FYN: variants seen among roughly 807,000 people sequenced by gnomAD.
FYN encodes FYN proto-oncogene, Src family tyrosine kinase.
A neutral mutation model predicts 70.2 loss-of-function variants in FYN; 10 were observed. The observed-to-expected ratio is 0.14, with a 90% CI of 0.09 to 0.24. The LOEUF is 0.24. FYN is among the 10% of genes least tolerant of loss of function. The pLI, the probability that FYN is intolerant of heterozygous loss-of-function variation, is 1.00. For synonymous variants in FYN, 236 were observed against 248.6 expected (o/e 0.95, Z 0.48); for missense variants, 319 against 673.1 (o/e 0.47, Z 5.82).
chr6:111,673,447 T>G (rs1274534330), intron 13 of FYN, among the ~76,000 whole-genome samples: 1 of 152,168 alleles, frequency 6.6e-6, no homozygotes, highest in African/African-American at 2.4e-5. Context: ...ATTATCTTGA[T>G]GTGCCCCTCT....
chr6:111,699,982 C>T (rs541460749), intron 9 of FYN, 122 bp downstream of exon 9: 2 of 690,506 alleles, frequency 2.9e-6, no homozygotes, highest in Non-Finnish European at 4.5e-6. Context: ...TTATTATTCC[C>T]CACTATTAGT....
Position 111,825,550 on chromosome 6 carries a change from A to T in FYN, c.-82+21039T>A, listed in dbSNP as rs147926174. Among the ~76,000 whole-genome samples, 11 of 152,350 alleles carry T rather than the reference A, an allele frequency of 7.2e-5. No homozygotes were observed. In the East Asian group the frequency reaches 2.1e-3, roughly 29 times the overall value. On this transcript the variant is annotated intron_variant, in intron 2 of 13. Transcript: ENST00000354650. ...TGAGCATTAAATTATATAAGGTAAG[A>T]TAGAAGAATGCCTAGTGCAGTGCAG...
intron 7 of FYN, 100 bp from the exon 8 acceptor site, chr6:111,703,134 G>GCA: frequency 9.3e-7 from 1 of 1,080,672 alleles, no homozygotes; most frequent in Non-Finnish European, 1.4e-6. Flanking sequence ...TACCAAGGAT[G>GCA]CACACACACA....
chr6:111,766,272 C>T (rs889203088), intron 3 of FYN, among the ~76,000 whole-genome samples: 4 of 152,112 alleles, frequency 2.6e-5, no homozygotes, highest in African/African-American at 9.7e-5. Context: ...AAGCACATGC[C>T]CAGTAGCAAA....
At chr6:111,778,343 G>C (rs1250673365) in intron 3 of FYN, among the ~76,000 whole-genome samples, 1 of 152,182 alleles carries the variant, frequency 6.6e-6, no homozygotes, top group Non-Finnish European at 1.5e-5. Context: ...AGGTGACTAA[G>C]AGCAATAGGT....
chr6:111,661,668 A>T lies in FYN; in HGVS notation c.*71T>A. ...TTCCGCTGCTGGGGAGCAGCTGGCT[A>T]CGGAATTGAAAGCTAATGGGGAGGG... is the stretch of plus-strand genomic sequence containing the variant. On this transcript the variant is annotated 3_prime_UTR_variant, in exon 14 of 14. Transcript: ENST00000354650. The surrounding 1 kb of genome is among the most constrained non-coding windows in gnomAD (Gnocchi z 4.0). 1 of 1,413,932 alleles carries T rather than the reference A, an allele frequency of 7.1e-7. No individual in the cohort carries two copies. Among genetic ancestry groups the T allele is most frequent in the Non-Finnish European group, 9.8e-7 (1 of 1,023,914 alleles). 87.6% of individuals were successfully genotyped at this position (1,413,932 alleles called of 1,614,324 possible). A position where few individuals can be genotyped will look rare whatever the true frequency, so the allele number is the denominator to read the frequency against.
intron 12 of FYN, among the ~76,000 whole-genome samples, chr6:111,674,923 CTA>C (rs1798466532): frequency 6.6e-6 from 1 of 152,232 alleles, no homozygotes; most frequent in South Asian, 2.1e-4. Flanking sequence ...TGAAATAATG[CTA>C]TGTTTTAATA....
chr6:111,826,336 G>T (rs779967633), intron 2 of FYN, among the ~76,000 whole-genome samples: 1 of 152,078 alleles, frequency 6.6e-6, no homozygotes, highest in African/African-American at 2.4e-5. Context: ...TAAGAAGTAC[G>T]CGTGTGTGCA....
intron 2 of FYN, among the ~76,000 whole-genome samples, chr6:111,808,109 AAAAAAACAAAAAAC>A: frequency 6.6e-6 from 1 of 152,142 alleles, no homozygotes; most frequent in East Asian, 1.9e-4. Context: ...CTCAGCCTCA[AAAAAAACAAAAAAC>A]AAAAAACAAA....
chr6:111,667,671 T>C (rs1361044406), intron 13 of FYN, among the ~76,000 whole-genome samples: 1 of 152,248 alleles, frequency 6.6e-6, no homozygotes, highest in African/African-American at 2.4e-5. Context: ...TGACTTCCCT[T>C]GAACTTGGCT....
rs1348715615 is a variant in FYN at position 111,873,039 on chromosome 6, G to A, written c.-194C>T. The A allele has an allele frequency of 2.7e-5, 4 of 148,952 alleles. No individual in the cohort carries two copies. The highest frequency in any genetic ancestry group is 1.3e-4 in the Admixed American group (2 of 15,048). The allele number at this position is 148,952 out of a possible 1,614,324, so 9.2% of individuals were successfully genotyped here. On this transcript the variant is annotated 5_prime_UTR_variant, in exon 1 of 14. Coordinates refer to ENST00000354650, the MANE Select transcript of FYN (RefSeq NM_002037.5). ...CGCCCTCCTCCGGCGCGGCCGAGGCGGCTCCGGGGGGTCCCCGGCGGGCCC... is the reference window on the plus strand; with the variant it reads ...CGCCCTCCTCCGGCGCGGCCGAGGCAGCTCCGGGGGGTCCCCGGCGGGCCC...
At chr6:111,834,845 C>T (rs1773127650) in intron 2 of FYN, among the ~76,000 whole-genome samples, 1 of 152,174 alleles carries the variant, frequency 6.6e-6, no homozygotes, top group Admixed American at 6.5e-5. Context: ...ACTGACTTCC[C>T]CAAACCACCC....
chr6:111,751,856 C>T (rs181738796), intron 3 of FYN, among the ~76,000 whole-genome samples: 38 of 152,182 alleles, frequency 2.5e-4, no homozygotes, highest in African/African-American at 9.2e-4. Context: ...TGAGCTCAAG[C>T]AACCCTCTTG....
At chr6:111,701,349 C>A (rs1204923019) in intron 8 of FYN, among the ~76,000 whole-genome samples, 1 of 152,196 alleles carries the variant, frequency 6.6e-6, no homozygotes, top group East Asian at 1.9e-4. Context: ...ACCTCCCGCT[C>A]CCTCCTGGCA....
chr6:111,782,582 C>T (rs1314260690), intron 2 of FYN, among the ~76,000 whole-genome samples: 1 of 152,110 alleles, frequency 6.6e-6, no homozygotes. Context: ...TGACAGATCA[C>T]CTGGGAACAG....
chr6:111,718,734 C>A (rs142881894), intron 4 of FYN, among the ~76,000 whole-genome samples: 2 of 152,126 alleles, frequency 1.3e-5, no homozygotes, highest in African/African-American at 2.4e-5. Context: ...GTACTTAGCA[C>A]GTATTCAACC....
intron 2 of FYN, among the ~76,000 whole-genome samples, chr6:111,789,654 T>G (rs966325335): frequency 1.3e-5 from 2 of 152,134 alleles, no homozygotes; most frequent in Admixed American, 6.5e-5. Flanking sequence ...TTACTGGTAA[T>G]GAGTCCCTGT....
intron 12 of FYN, chr6:111,676,418 C>G (rs186045608): frequency 5.3e-5 from 8 of 152,310 alleles, no homozygotes; most frequent in Non-Finnish European, 7.4e-5. Context: ...TCTTTCCTTA[C>G]GTGCTAGATG....
At chr6:111,839,778 G>C (rs544010027) in intron 2 of FYN, among the ~76,000 whole-genome samples, 46 of 152,298 alleles carry the variant, frequency 3.0e-4, no homozygotes, top group African/African-American at 9.9e-4. Flanking sequence ...CTCTCAAATG[G>C]AAGATGACCT....
Sources: allele counts gnomAD v4.1 joint callset (sites outside exome capture counted in the v4.1 genomes callset), GRCh38; gene constraint gnomAD v4.1.1; non-coding constraint Gnocchi (gnomAD v3.1); transcripts MANE v1.5; gene names NCBI Gene and HGNC (gene_info 2026-07-23, HGNC 2026-07-21).